The following ACER1 variants were observed in gnomAD, a reference collection of about 807,000 sequenced individuals.
ACER1 encodes the protein CTB-180A7.3.
A neutral mutation model predicts 24.9 loss-of-function variants in ACER1; 28 were observed. That is an observed-to-expected ratio of 1.13 (90% CI 0.83 to 1.54). The LOEUF (loss-of-function observed/expected upper bound fraction) is 1.54. Ranked by LOEUF, ACER1 falls within the 40% of genes most tolerant of loss-of-function variation. The pLI is 0.00. For missense variants in ACER1, 352 were observed against 349.3 expected (o/e 1.01, Z -0.06); for synonymous variants, 132 against 131.4 (o/e 1.00, Z -0.03).
At chr19:6,338,864 C>T in the ACER1 span, among the ~76,000 whole-genome samples, 2 of 151,934 alleles carry the variant, frequency 1.3e-5, no homozygotes, top group African/African-American at 4.8e-5. Context: ...TGTGAGCCAC[C>T]GCACCTGGCC....
intron 1 of ACER1, among the ~76,000 whole-genome samples, chr19:6,318,930 G>A (rs1172317832): frequency 1.3e-5 from 2 of 151,324 alleles, no homozygotes; most frequent in African/African-American, 4.9e-5. Context: ...CTGCTGCCTG[G>A]CCCTGTGACT....
intron 1 of ACER1, among the ~76,000 whole-genome samples, chr19:6,331,449 A>G (rs2091686660): frequency 1.5e-5 from 2 of 130,542 alleles, no homozygotes; most frequent in African/African-American, 6.7e-5. Context: ...GCACCCAGCC[A>G]GCAAGCACTC....
chr19:6,333,374 A>T, intron 1 of ACER1, 85 bp downstream of exon 1: 1 of 1,169,122 alleles, frequency 8.6e-7, no homozygotes, highest in South Asian at 1.6e-5. Context: ...CCACTCCAGC[A>T]AGATTCCCCA....
intron 1 of ACER1, among the ~76,000 whole-genome samples, chr19:6,313,033 C>T (rs368978723): frequency 7.9e-5 from 12 of 152,208 alleles, no homozygotes; most frequent in East Asian, 7.7e-4. Context: ...TTTCTCGATC[C>T]GTTATTGGTT....
chr19:6,306,998 G>T, intron 5 of ACER1, 116 bp from the exon 6 acceptor site: 3 of 1,486,252 alleles, frequency 2.0e-6, no homozygotes, highest in Non-Finnish European at 9.1e-7. Flanking sequence ...TCTGGGTCTG[G>T]CCCCGTGACT....
chr19:6,324,691 G>A (rs2145012230), intron 1 of ACER1, among the ~76,000 whole-genome samples: 1 of 151,858 alleles, frequency 6.6e-6, no homozygotes, highest in Non-Finnish European at 1.5e-5. Context: ...CTTGAACCCG[G>A]GAGGCAGAGA....
Position 6,314,124 on chromosome 19 carries a change from A to AATAT in ACER1, c.94-1629_94-1626dup, listed in dbSNP as rs74173084. Among the ~76,000 whole-genome samples, 186 of 148,678 alleles carry AATAT rather than the reference A, an allele frequency of 1.3e-3. 1 individual carries two copies. Among genetic ancestry groups the AATAT allele is most frequent in the African/African-American group, 3.5e-3 (143 of 40,652 alleles). On this transcript the variant is annotated intron_variant, in intron 1 of 5. Transcript: ENST00000301452. ...AAACAGTATGTAAATATATATTGTGAATATATATATATATATAATATGTGA... is the reference window on the plus strand; with the variant it reads ...AAACAGTATGTAAATATATATTGTGAATATATATATATATATATATAATATGTGA...
intron 1 of ACER1, among the ~76,000 whole-genome samples, chr19:6,317,277 G>C (rs944242237): frequency 1.3e-5 from 2 of 152,064 alleles, no homozygotes; most frequent in African/African-American, 4.8e-5. Context: ...CCCAGCCCCA[G>C]TTATTCCTTT....
At chr19:6,338,956 C>A in the ACER1 span, among the ~76,000 whole-genome samples, 1 of 151,424 alleles carries the variant, frequency 6.6e-6, no homozygotes, top group Non-Finnish European at 1.5e-5. Context: ...CGGCTCACTG[C>A]AACCTCCGCC....
intron 1 of ACER1, among the ~76,000 whole-genome samples, chr19:6,321,028 C>T (rs1349380380): frequency 6.6e-6 from 1 of 150,870 alleles, no homozygotes; most frequent in East Asian, 1.9e-4. Context: ...AAAATCAAGA[C>T]ATAAATCACA....
At chr19:6,314,512 T>G (rs1464430497) in intron 1 of ACER1, among the ~76,000 whole-genome samples, 3 of 149,776 alleles carry the variant, frequency 2.0e-5, no homozygotes, top group Non-Finnish European at 4.4e-5. Context: ...GCACCCAAAA[T>G]TAAATGACTC....
the ACER1 span, among the ~76,000 whole-genome samples, chr19:6,354,795 TCCCTCTCCCTCTCCC>T: frequency 6.6e-6 from 1 of 150,410 alleles, no homozygotes; most frequent in Admixed American, 6.6e-5. Context: ...TCACTCCCTC[TCCCTCTCCCTCTCCC>T]CCCTCTCCCT....
At chr19:6,316,115 G>A (rs1257153804) in intron 1 of ACER1, among the ~76,000 whole-genome samples, 2 of 152,018 alleles carry the variant, frequency 1.3e-5, no homozygotes, top group Non-Finnish European at 2.9e-5. Flanking sequence ...GTGAGAGAAC[G>A]AGACTCCGTC....
chr19:6,306,417 A>G lies in ACER1; in HGVS notation c.*297T>C, dbSNP rs2091552348. 6.2e-6 allele frequency: 2 copies of G among 324,362 alleles called. No homozygotes were observed. The highest frequency in any genetic ancestry group is 8.3e-5 in the Admixed American group (2 of 24,150). 20.1% of individuals were successfully genotyped at this position (324,362 alleles called of 1,614,324 possible). On this transcript the variant is annotated 3_prime_UTR_variant, in exon 6 of 6. Coordinates refer to ENST00000301452, the MANE Select transcript of ACER1 (RefSeq NM_133492.3). ...CCTGGTGACACAGTCCCACCAGCTC[A>G]TGTGACAATGGTCACTGGGAGGCTG...
At chr19:6,356,960 A>T in the ACER1 span, among the ~76,000 whole-genome samples, 1 of 142,902 alleles carries the variant, frequency 7.0e-6, no homozygotes, top group African/African-American at 3.0e-5. Flanking sequence ...AAAATTAAAC[A>T]AGGCAAATGT....
At chr19:6,314,168 T>C (rs2091593251) in intron 1 of ACER1, among the ~76,000 whole-genome samples, 1 of 151,604 alleles carries the variant, frequency 6.6e-6, no homozygotes, top group African/African-American at 2.4e-5. Context: ...TTCACAATAA[T>C]GTAAAACAAT....
the ACER1 span, among the ~76,000 whole-genome samples, chr19:6,342,258 CT>C: frequency 0.81 from 90,955 of 111,960 alleles, 37,000 homozygotes; most frequent in East Asian, 0.95. Flanking sequence ...TATCCTAGTT[CT>C]TTTTTTTTTT....
intron 1 of ACER1, among the ~76,000 whole-genome samples, chr19:6,321,698 T>C (rs8107517): frequency 0.66 from 100,265 of 152,004 alleles, 33,916 homozygotes; most frequent in African/African-American, 0.82. Flanking sequence ...ACCTCCGCCT[T>C]CTGGGTTCAA....
chr19:6,325,550 G>A (rs1024841988), intron 1 of ACER1, among the ~76,000 whole-genome samples: 1 of 152,230 alleles, frequency 6.6e-6, no homozygotes, highest in African/African-American at 2.4e-5. Flanking sequence ...CTACTTGGGA[G>A]GCTGAGGCAG....
Sources: gnomAD v4.1 joint callset for allele counts (sites outside exome capture counted in the v4.1 genomes callset) on GRCh38, gnomAD v4.1.1 for gene constraint, MANE v1.5 for transcripts, NCBI Gene and HGNC (gene_info 2026-07-23, HGNC 2026-07-21) for gene names.